TRPM8: variants seen among roughly 807,000 people sequenced by gnomAD.
TRPM8 encodes transient receptor potential cation channel subfamily M member 8.
Under a neutral mutation model 133.7 loss-of-function variants are expected in TRPM8, and 110 were observed. The ratio of observed to expected loss-of-function variants is 0.82; its 90% CI spans 0.70 to 0.96. The LOEUF is 0.96. Ranked by LOEUF, TRPM8 falls within the 40% of genes least tolerant of loss-of-function variation. TRPM8 has a pLI of 0.00. For synonymous variants in TRPM8, 535 were observed against 532.3 expected, an observed-to-expected ratio of 1.01 and a Z score of -0.07; for missense variants, 1,291 against 1,379.5, an observed-to-expected ratio of 0.94 and a Z score of 1.02.
At chr2:233,960,742 T>C (rs1390408457) in intron 11 of TRPM8, 34 bp from the exon 12 acceptor site, 2 of 1,572,408 alleles carry the variant, frequency 1.3e-6, no homozygotes, top group East Asian at 2.2e-5. Flanking sequence ...ATTTTTATAG[T>C]ATTGTTAGTA....
chr2:233,922,226 C>T (rs1691426793), intron 1 of TRPM8, among the ~76,000 whole-genome samples: 1 of 152,116 alleles, frequency 6.6e-6, no homozygotes, highest in Non-Finnish European at 1.5e-5. Flanking sequence ...AATAGCTGTG[C>T]TATGTGACTC....
chr2:233,972,038 C>T (rs1462109573), intron 17 of TRPM8, among the ~76,000 whole-genome samples: 1 of 152,118 alleles, frequency 6.6e-6, no homozygotes, highest in African/African-American at 2.4e-5. Context: ...AGTGTCCACA[C>T]AAAGGTTCTC....
chr2:233,954,155 G>A (rs777043023), intron 10 of TRPM8, 136 bp downstream of exon 10: 89 of 550,776 alleles, frequency 1.6e-4, no homozygotes, highest in Non-Finnish European at 2.5e-4. Flanking sequence ...TAGATTGGAA[G>A]CTAGAATAAC....
chr2:233,960,770 C>T lies in TRPM8; in HGVS notation c.1363-6C>T, dbSNP rs756771259. The T allele has an allele frequency of 1.2e-6, 2 of 1,612,878 alleles. No homozygotes were observed. Among genetic ancestry groups the T allele is most frequent in the Non-Finnish European group, 8.5e-7 (1 of 1,179,152 alleles). On this transcript the variant is annotated splice_region_variant and splice_polypyrimidine_tract_variant and intron_variant, in intron 11 of 25. Transcript: ENST00000324695. ...TGTTAGTACTGTCTCTGTTCTTTCT[C>T]CTTAGTCTGCTGACCTTCAAGAAGT...
intron 11 of TRPM8, among the ~76,000 whole-genome samples, chr2:233,956,964 AT>A (rs938155692): frequency 6.6e-6 from 1 of 152,196 alleles, no homozygotes; most frequent in Non-Finnish European, 1.5e-5. Flanking sequence ...GGTACATTTA[AT>A]TTTACTAACT....
rs1218650637 is a variant in TRPM8, at chr2:233,927,969, TTTCTTTC to T, written c.117+1318_117+1324del. Among the ~76,000 whole-genome samples the T allele has an allele frequency of 2.6e-5, 3 of 117,378 alleles. 1 individual carries two copies. The highest frequency in any genetic ancestry group is 1.8e-4 in the Admixed American group (2 of 11,218). 77.0% of individuals were successfully genotyped at this position (117,378 alleles called of 152,430 possible). The stretch of plus-strand genomic sequence containing the variant: ...CTCTCTCTCTCTCTCTCTTTCTTTC[TTTCTTTC>T]TTTTTTTTTTTGAGACGGAGTCTCG... On this transcript the variant is annotated intron_variant, in intron 2 of 25. Transcript: ENST00000324695.
In TRPM8 at chr2:233,947,571, C is replaced by G. The variant is rs760732315; in HGVS notation, c.942+416C>G. On this transcript the variant is annotated intron_variant, in intron 8 of 25. Transcript: ENST00000324695. ...CACCTAAGGCCCATTTATATGCCAC[C>G]TGGGGATGCAGGTATGTTGCATGAT... is the stretch of plus-strand genomic sequence containing the variant. The G allele has an allele frequency of 7.7e-6, 10 of 1,292,026 alleles. No homozygotes were observed. In the South Asian group the frequency reaches 1.2e-4, roughly 16 times the overall value. 80.0% of individuals were successfully genotyped at this position (1,292,026 alleles called of 1,614,324 possible).
intron 20 of TRPM8, among the ~76,000 whole-genome samples, chr2:233,984,681 C>G (rs1486590260): frequency 6.6e-6 from 1 of 152,182 alleles, no homozygotes; most frequent in Non-Finnish European, 1.5e-5. Flanking sequence ...TCCCCTCGAG[C>G]CCCTTCTGAT....
At chr2:233,953,191 C>T (rs1010049299) in intron 9 of TRPM8, among the ~76,000 whole-genome samples, 1 of 152,208 alleles carries the variant, frequency 6.6e-6, no homozygotes, top group Non-Finnish European at 1.5e-5. Context: ...CTTTTTGCCA[C>T]CTTCAAACAG....
intron 22 of TRPM8, among the ~76,000 whole-genome samples, chr2:234,002,452 C>T (rs1692593425): frequency 6.6e-6 from 1 of 152,132 alleles, no homozygotes; most frequent in Non-Finnish European, 1.5e-5. Context: ...GTGACATGAA[C>T]CATGAAACAT....
chr2:233,927,896 TTCTTTCTTTCTTTC>T (rs1438547856), intron 2 of TRPM8, among the ~76,000 whole-genome samples: 2 of 74,306 alleles, frequency 2.7e-5, no homozygotes, highest in African/African-American at 1.9e-4. Context: ...CTTTCTTTCT[TTCTTTCTTTCTTTC>T]TCTCTCTCTC....
rs1244356192 is a variant in TRPM8 at position 233,982,022 on chromosome 2, A to G, written c.2589+107A>G. On this transcript the variant is annotated intron_variant, in intron 19 of 25. Coordinates refer to ENST00000324695, the MANE Select transcript of TRPM8 (RefSeq NM_024080.5). Reference sequence around the variant, plus strand: ...CTTAGAACGACTGTTGCATTTCACCATCAGTAACATTCGCTTTCTTTGATG... The same window carrying G: ...CTTAGAACGACTGTTGCATTTCACCGTCAGTAACATTCGCTTTCTTTGATG... 9.8e-6 allele frequency: 12 copies of G among 1,218,848 alleles called. No individual in the cohort carries two copies. The East Asian group carries it at 2.3e-4, about 23-fold the overall frequency. The allele number at this position is 1,218,848 out of a possible 1,614,324, so 75.5% of individuals were successfully genotyped here.
Position 233,966,718 on chromosome 2 carries a change from C to T in TRPM8, c.1988C>T (p.Ala663Val). Reference sequence around the variant, plus strand: ...AACTGTCTGGAGCTGGCGGTGGAGGCCACAGACCAGCATTTCATCGCCCAG... The same window carrying T: ...AACTGTCTGGAGCTGGCGGTGGAGGTCACAGACCAGCATTTCATCGCCCAG... ...GSNCLELAVEATDQHFIAQPG... is the reference protein window; with the variant it reads ...GSNCLELAVEVTDQHFIAQPG... Residue 663 changes from alanine to valine, a missense_variant, in exon 15 of 26, where the codon GCC becomes GTC. Ala to Val is a moderately conservative substitution (Grantham distance 64). This residue lies in a region of TRPM8 where 963 missense variants were observed against 968.9 expected (regional missense o/e 0.99). Transcript: ENST00000324695. The T allele has an allele frequency of 6.2e-7, 1 of 1,604,820 alleles. No individual in the cohort carries two copies. Among genetic ancestry groups the T allele is most frequent in the South Asian group, 1.1e-5 (1 of 90,098 alleles).
At chr2:234,012,130 T>C (rs548808373) in intron 24 of TRPM8, among the ~76,000 whole-genome samples, 1 of 148,994 alleles carries the variant, frequency 6.7e-6, no homozygotes, top group East Asian at 2.0e-4. Flanking sequence ...GCAAATATAC[T>C]GAATTTATTT....
Position 233,987,266 on chromosome 2 carries a change from T to C in TRPM8, c.2939+1401T>C, listed in dbSNP as rs28901878. Among the ~76,000 whole-genome samples, 765 of 152,334 alleles carry C rather than the reference T, an allele frequency of 5.0e-3. 11 individuals are homozygous for C. Among genetic ancestry groups the C allele is most frequent in the African/African-American group, 0.018 (733 of 41,568 alleles). The stretch of plus-strand genomic sequence containing the variant: ...GTTAACTTGAAAGAATGGTATTTTT[T>C]AAATATAAAAAACAAATTGCAAATT... On this transcript the variant is annotated intron_variant, in intron 21 of 25. Transcript: ENST00000324695.
chr2:234,012,471 G>T (rs1316074274), intron 24 of TRPM8, among the ~76,000 whole-genome samples: 2 of 118,956 alleles, frequency 1.7e-5, no homozygotes, highest in African/African-American at 3.2e-5. Flanking sequence ...TTTTGTGTGT[G>T]TGAGAGTGTG....
chr2:233,999,416 A>G (rs527473836), intron 22 of TRPM8, among the ~76,000 whole-genome samples: 2 of 152,330 alleles, frequency 1.3e-5, no homozygotes, highest in Non-Finnish European at 2.9e-5. Context: ...TATTGGTCCA[A>G]GCAAGTCACA....
intron 22 of TRPM8, among the ~76,000 whole-genome samples, chr2:234,004,981 T>A (rs1692657765): frequency 6.6e-6 from 1 of 152,240 alleles, no homozygotes; most frequent in African/African-American, 2.4e-5. Flanking sequence ...GGATGCACCA[T>A]AATTAATCAG....
chr2:233,947,724 A>C, intron 8 of TRPM8: 1 of 685,088 alleles, frequency 1.5e-6, no homozygotes, highest in Admixed American at 3.0e-5. Flanking sequence ...TACTGAGTTC[A>C]TCTTGCCTGC....
Sources: gnomAD v4.1 joint callset for allele counts (sites outside exome capture counted in the v4.1 genomes callset) on GRCh38, gnomAD v4.1.1 for gene constraint, gnomAD v4.1.1 regional missense constraint, MANE v1.5 for transcripts, NCBI Gene and HGNC (gene_info 2026-07-23, HGNC 2026-07-21) for gene names.